PLCL1: variants seen among roughly 807,000 people sequenced by gnomAD.
The protein encoded by PLCL1 is phospholipase C like 1 (inactive).
Under a neutral mutation model 84.4 loss-of-function variants are expected in PLCL1, and 41 were observed. The observed-to-expected ratio is 0.49, with a 90% confidence interval of 0.38 to 0.63. The LOEUF is 0.63. PLCL1 is among the 30% of genes least tolerant of loss of function. PLCL1 has a pLI of 0.00. For synonymous variants in PLCL1, 490 were observed against 488.3 expected (o/e 1.00, Z -0.05); for missense variants, 1,206 against 1,367.8 (o/e 0.88, Z 1.87).
intron 1 of PLCL1, among the ~76,000 whole-genome samples, chr2:197,836,909 G>A (rs1691203585): frequency 6.6e-6 from 1 of 151,902 alleles, no homozygotes; most frequent in African/African-American, 2.4e-5. Flanking sequence ...TGTGTTGCCC[G>A]GGCTGGTGTT....
chr2:198,063,630 T>A (rs1204908700), intron 1 of PLCL1, among the ~76,000 whole-genome samples: 2 of 152,202 alleles, frequency 1.3e-5, no homozygotes, highest in Admixed American at 1.3e-4. Context: ...GTTTTTCATG[T>A]CAGTGAGGAT....
intron 1 of PLCL1, among the ~76,000 whole-genome samples, chr2:197,821,504 G>A (rs765915808): frequency 6.6e-6 from 1 of 152,138 alleles, no homozygotes; most frequent in Non-Finnish European, 1.5e-5. Context: ...AAGTAATTCA[G>A]GGATCCAGAT....
chr2:198,127,682 T>C (rs533793748), intron 5 of PLCL1, among the ~76,000 whole-genome samples: 1 of 152,318 alleles, frequency 6.6e-6, no homozygotes, highest in Admixed American at 6.5e-5. Flanking sequence ...TTTCAAAATC[T>C]ATTTGAGGTC....
chr2:197,866,817 G>T (rs1357530254), intron 1 of PLCL1, among the ~76,000 whole-genome samples: 1 of 151,874 alleles, frequency 6.6e-6, no homozygotes, highest in Non-Finnish European at 1.5e-5. Flanking sequence ...CCCTACTTGG[G>T]GTCTGCTTCT....
intron 1 of PLCL1, among the ~76,000 whole-genome samples, chr2:198,062,205 A>AT (rs1692221717): frequency 1.3e-5 from 2 of 152,100 alleles, no homozygotes; most frequent in Non-Finnish European, 2.9e-5. Flanking sequence ...TTTACACGTT[A>AT]TTTTTTTGAA....
At chr2:197,832,530 A>C (rs892442916) in intron 1 of PLCL1, among the ~76,000 whole-genome samples, 1 of 152,232 alleles carries the variant, frequency 6.6e-6, no homozygotes, top group African/African-American at 2.4e-5. Context: ...AACCAAAAAA[A>C]GCCTAGCACC....
chr2:198,096,948 GA>G (rs1406111908), intron 3 of PLCL1, among the ~76,000 whole-genome samples: 1 of 152,146 alleles, frequency 6.6e-6, no homozygotes, highest in East Asian at 1.9e-4. Context: ...CTCAGGATGG[GA>G]AAGAGTTGTA....
At chr2:198,089,091 C>CAT (rs1692958014) in intron 3 of PLCL1, 30 bp downstream of exon 3, 17 of 1,492,880 alleles carry the variant, frequency 1.1e-5, no homozygotes, top group East Asian at 2.3e-5. Context: ...TATTTTTTTA[C>CAT]GTGTGTGTGT....
intron 1 of PLCL1, among the ~76,000 whole-genome samples, chr2:198,058,018 T>A (rs959612954): frequency 6.6e-6 from 1 of 152,222 alleles, no homozygotes; most frequent in Non-Finnish European, 1.5e-5. Flanking sequence ...ATAAATACTA[T>A]GTGACTTAAA....
chr2:197,993,600 G>A (rs916540183), intron 1 of PLCL1, among the ~76,000 whole-genome samples: 1 of 152,130 alleles, frequency 6.6e-6, no homozygotes, highest in African/African-American at 2.4e-5. Flanking sequence ...GGCCTGAGGG[G>A]ACAAGGAGAA....
At position 198,142,138 on chromosome 2, in the gene PLCL1, G is replaced by T. The variant is rs373022989; in HGVS notation, c.3106-4642G>T. On this transcript the variant is annotated intron_variant, in intron 5 of 5. Coordinates refer to ENST00000428675, the MANE Select transcript of PLCL1 (RefSeq NM_006226.4). ...TGTAGTCAAAACCATTTTCATTGGT[G>T]GGGGGAGGACTGCATTTTTTTGGTA... Among the ~76,000 whole-genome samples the T allele has an allele frequency of 5.3e-4, 80 of 152,176 alleles. 2 individuals carry two copies. Among genetic ancestry groups the T allele is most frequent in the African/African-American group, 1.6e-3 (67 of 41,530 alleles).
chr2:197,878,157 A>G (rs1383547306), intron 1 of PLCL1, among the ~76,000 whole-genome samples: 2 of 152,200 alleles, frequency 1.3e-5, no homozygotes, highest in Non-Finnish European at 1.5e-5. Context: ...GTTGAGATGC[A>G]AAACTTTTAT....
At chr2:197,983,880 A>G (rs1301556785) in intron 1 of PLCL1, among the ~76,000 whole-genome samples, 1 of 152,216 alleles carries the variant, frequency 6.6e-6, no homozygotes, top group Non-Finnish European at 1.5e-5. Flanking sequence ...GAAGGTGAAT[A>G]AAGAGTAGTA....
intron 1 of PLCL1, among the ~76,000 whole-genome samples, chr2:197,970,342 T>A (rs1689835960): frequency 6.6e-6 from 1 of 152,204 alleles, no homozygotes; most frequent in Non-Finnish European, 1.5e-5. Context: ...AATCCATTCA[T>A]GAGAGTGCAG....
chr2:197,886,977 TC>T (rs1318004529), intron 1 of PLCL1, among the ~76,000 whole-genome samples: 1 of 152,186 alleles, frequency 6.6e-6, no homozygotes, highest in East Asian at 1.9e-4. Context: ...TCTAATTGGC[TC>T]CTCACATCAA....
At position 198,149,087 on chromosome 2, in the gene PLCL1, G is replaced by GAGGAC. The variant is rs1451144939; in HGVS notation, c.*2129_*2130insCAGGA. ...GATGGGGAGTGAGATGTGGAGCAGG[G>GAGGAC]AGGAGCTTTGGATTCTGGGAGTGGA... On this transcript the variant is annotated 3_prime_UTR_variant, in exon 6 of 6. Transcript: ENST00000428675. 1 of 152,398 alleles carries GAGGAC rather than the reference G, an allele frequency of 6.6e-6. No individual in the cohort carries two copies. Among genetic ancestry groups the GAGGAC allele is most frequent in the African/African-American group, 2.4e-5 (1 of 41,428 alleles). 9.4% of individuals were successfully genotyped at this position (152,398 alleles called of 1,614,324 possible).
At chr2:197,838,689 T>A (rs1252593592) in intron 1 of PLCL1, among the ~76,000 whole-genome samples, 1 of 152,210 alleles carries the variant, frequency 6.6e-6, no homozygotes, top group Non-Finnish European at 1.5e-5. Flanking sequence ...AATTTGACTT[T>A]AAGAGGGTGA....
At chr2:198,105,895 G>A (rs112816195) in intron 5 of PLCL1, among the ~76,000 whole-genome samples, 1 of 151,768 alleles carries the variant, frequency 6.6e-6, no homozygotes, top group African/African-American at 2.4e-5. Context: ...GAATTTTGAA[G>A]TAAATATGCC....
At chr2:197,807,606 C>A (rs180676223) in intron 1 of PLCL1, among the ~76,000 whole-genome samples, 7 of 151,946 alleles carry the variant, frequency 4.6e-5, no homozygotes, top group Admixed American at 4.6e-4. Context: ...AATGAGTTTC[C>A]AAAAAAAGTT....
Sources: gnomAD v4.1 joint callset for allele counts (sites outside exome capture counted in the v4.1 genomes callset) on GRCh38, gnomAD v4.1.1 for gene constraint, MANE v1.5 for transcripts, NCBI Gene and HGNC (gene_info 2026-07-23, HGNC 2026-07-21) for gene names.